Variants in WWC2 observed in about 807,000 individuals in gnomAD.
WWC2 encodes protein WWC2.
WWC2 carries 101 observed loss-of-function variants against 138.5 expected under a neutral mutation model. The ratio of observed to expected loss-of-function variants is 0.73; its 90% CI spans 0.62 to 0.86. The LOEUF (loss-of-function observed/expected upper bound fraction) is 0.86. Ranked by LOEUF, WWC2 falls within the 40% of genes least tolerant of loss-of-function variation. WWC2 has a pLI of 0.00. For missense variants in WWC2, 1,420 were observed against 1,419.4 expected (o/e 1.00, Z -0.01); for synonymous variants, 558 against 538.4 (o/e 1.04, Z -0.50).
intron 16 of WWC2, among the ~76,000 whole-genome samples, chr4:183,276,945 TGTTA>T (rs1451875144): frequency 1.3e-5 from 2 of 151,936 alleles, no homozygotes; most frequent in African/African-American, 4.8e-5. Flanking sequence ...ACAACTTAAT[TGTTA>T]GTTCATACAG....
At chr4:183,122,084 C>CAAG (rs1732620971) in intron 1 of WWC2, among the ~76,000 whole-genome samples, 1 of 152,120 alleles carries the variant, frequency 6.6e-6, no homozygotes, top group Non-Finnish European at 1.5e-5. Context: ...CACGCCCAGC[C>CAAG]AAGAAGCATT....
chr4:183,261,729 C>T (rs1737337775), intron 11 of WWC2, among the ~76,000 whole-genome samples, 197 bp downstream of exon 11: 1 of 152,170 alleles, frequency 6.6e-6, no homozygotes, highest in Non-Finnish European at 1.5e-5. Context: ...ATTACCTTCC[C>T]TATTTAGTAG....
intron 2 of WWC2, among the ~76,000 whole-genome samples, chr4:183,198,269 A>G (rs777273375): frequency 6.6e-6 from 1 of 152,242 alleles, no homozygotes; most frequent in Non-Finnish European, 1.5e-5. Flanking sequence ...AATGAAAAGA[A>G]GAAAAATTAT....
chr4:183,229,890 A>G (rs760156874), intron 4 of WWC2, among the ~76,000 whole-genome samples: 3 of 151,990 alleles, frequency 2.0e-5, no homozygotes, highest in African/African-American at 7.3e-5. Context: ...CAGCGGCTCA[A>G]TCCGGCTCAC....
chr4:183,292,803 T>C (rs1738500973), intron 21 of WWC2, among the ~76,000 whole-genome samples: 1 of 152,140 alleles, frequency 6.6e-6, no homozygotes, highest in African/African-American at 2.4e-5. Flanking sequence ...ATAAAGATTC[T>C]ATCAAAAGGA....
intron 16 of WWC2, among the ~76,000 whole-genome samples, chr4:183,276,424 G>A (rs11724610): frequency 0.64 from 96,733 of 150,842 alleles, 31,261 homozygotes; most frequent in Middle Eastern, 0.74. Context: ...TTAAATTTTC[G>A]TTTTCCCCTC....
chr4:183,161,210 A>G (rs1479286115), intron 1 of WWC2, among the ~76,000 whole-genome samples: 2 of 152,186 alleles, frequency 1.3e-5, no homozygotes, highest in Non-Finnish European at 2.9e-5. Flanking sequence ...TAATGTTGCA[A>G]GTCACCCCAG....
intron 1 of WWC2, among the ~76,000 whole-genome samples, chr4:183,119,274 A>G (rs1464210714): frequency 6.6e-6 from 1 of 152,198 alleles, no homozygotes; most frequent in Non-Finnish European, 1.5e-5. Context: ...GCTGGACTAC[A>G]GAAGTTACTT....
intron 5 of WWC2, among the ~76,000 whole-genome samples, chr4:183,240,892 A>G (rs1173870219): frequency 6.6e-6 from 1 of 152,168 alleles, no homozygotes; most frequent in Non-Finnish European, 1.5e-5. Flanking sequence ...AATGGAGGTG[A>G]CAGAGGGTCA....
At chr4:183,162,219 A>T (rs74814857) in intron 1 of WWC2, among the ~76,000 whole-genome samples, 13,133 of 152,152 alleles carry the variant, frequency 0.086, 774 homozygotes, top group Middle Eastern at 0.18. Context: ...AACAAACCCT[A>T]ATTCTCAGTG....
At chr4:183,123,549 G>C (rs1732670503) in intron 1 of WWC2, among the ~76,000 whole-genome samples, 1 of 152,068 alleles carries the variant, frequency 6.6e-6, no homozygotes, top group Non-Finnish European at 1.5e-5. Flanking sequence ...CAGGATAGTG[G>C]TTTTCTGTGG....
At chr4:183,144,056 A>G (rs765384750) in intron 1 of WWC2, among the ~76,000 whole-genome samples, 4 of 152,190 alleles carry the variant, frequency 2.6e-5, no homozygotes, top group Non-Finnish European at 5.9e-5. Flanking sequence ...AGGAAATTAT[A>G]ATAAACTCTT....
intron 20 of WWC2, among the ~76,000 whole-genome samples, chr4:183,287,198 C>T (rs1187030726): frequency 1.3e-5 from 2 of 152,148 alleles, no homozygotes; most frequent in Non-Finnish European, 2.9e-5. Context: ...GGTTTAACTT[C>T]CTTGTTACTT....
intron 1 of WWC2, among the ~76,000 whole-genome samples, chr4:183,135,785 T>TC (rs2111083355): frequency 6.6e-6 from 1 of 152,304 alleles, no homozygotes; most frequent in South Asian, 2.1e-4. Flanking sequence ...TTGGAAAATG[T>TC]CTTCATTTCA....
intron 1 of WWC2, among the ~76,000 whole-genome samples, chr4:183,154,020 A>C (rs942950271): frequency 6.6e-6 from 1 of 151,736 alleles, no homozygotes; most frequent in Admixed American, 6.6e-5. Flanking sequence ...AAAAAAAAAA[A>C]AAAAAAAACC....
chr4:183,138,368 A>AGT (rs75799039), intron 1 of WWC2, among the ~76,000 whole-genome samples: 3,862 of 152,236 alleles, frequency 0.025, 64 homozygotes, highest in Non-Finnish European at 0.029. Context: ...CAAACTCTTG[A>AGT]GTGTGGTTGT....
chr4:183,120,422 C>G (rs1732563101), intron 1 of WWC2, among the ~76,000 whole-genome samples: 1 of 152,132 alleles, frequency 6.6e-6, no homozygotes, highest in African/African-American at 2.4e-5. Context: ...TGAACTAGAA[C>G]CATTTTGAAC....
At chr4:183,276,553 C>A (rs1456145003) in intron 16 of WWC2, among the ~76,000 whole-genome samples, 1 of 152,050 alleles carries the variant, frequency 6.6e-6, no homozygotes, top group Non-Finnish European at 1.5e-5. Context: ...CAAAGATTTT[C>A]AAAGACTTTA....
chr4:183,099,536 C>A lies in WWC2; in HGVS notation c.45C>A (p.Gly15=). ...GCGGTCAGCTGCCGCTGCCCCGGGG[C>A]TGGGAGGAGGCCAGGGACTACGACG... ...AGSGQLPLPR[G]WEEARDYDGK... is the part of the protein sequence containing the mutation. Residue 15 remains glycine, a synonymous_variant, in exon 1 of 23, where the codon GGC becomes GGA. Coordinates refer to ENST00000403733, the MANE Select transcript of WWC2 (RefSeq NM_024949.6). 1 of 1,410,526 alleles carries A rather than the reference C, an allele frequency of 7.1e-7. No individual in the cohort carries two copies. The highest frequency in any genetic ancestry group is 9.4e-7 in the Non-Finnish European group (1 of 1,065,546). 87.4% of individuals were successfully genotyped at this position (1,410,526 alleles called of 1,614,324 possible). A position where few individuals can be genotyped will look rare whatever the true frequency, so the allele number is the denominator to read the frequency against.
Sources: gnomAD v4.1 joint callset for allele counts (sites outside exome capture counted in the v4.1 genomes callset) on GRCh38, gnomAD v4.1.1 for gene constraint, MANE v1.5 for transcripts, NCBI Gene and HGNC (gene_info 2026-07-23, HGNC 2026-07-21) for gene names.